BRSK2: variants seen among roughly 807,000 people sequenced by gnomAD.
The protein encoded by BRSK2 is BR serine/threonine kinase 2.
BRSK2 carries 19 observed loss-of-function variants against 83.3 expected under a neutral mutation model. The observed-to-expected ratio is 0.23, with a 90% CI of 0.16 to 0.33. The LOEUF (loss-of-function observed/expected upper bound fraction) is 0.33, where lower values mean the gene tolerates loss of function less well. BRSK2 is among the 10% of genes least tolerant of loss of function. The probability of loss-of-function intolerance (pLI) is 1.00; values close to 1 mark genes in which losing one functional copy is unlikely to be tolerated. For synonymous variants in BRSK2, 519 were observed against 435.4 expected, an observed-to-expected ratio of 1.19 and a Z score of -2.39; for missense variants, 798 against 1,042.3, an observed-to-expected ratio of 0.77 and a Z score of 3.23.
intron 1 of BRSK2, among the ~76,000 whole-genome samples, chr11:1,433,374 T>TG (rs1849847341): frequency 6.6e-6 from 1 of 152,240 alleles, no homozygotes; most frequent in Admixed American, 6.5e-5. Context: ...CTTCATCCTT[T>TG]GGGGTCTCCT....
At chr11:1,391,063 C>T (rs1845696124) in intron 1 of BRSK2, among the ~76,000 whole-genome samples, 1 of 152,208 alleles carries the variant, frequency 6.6e-6, no homozygotes, top group African/African-American at 2.4e-5. Flanking sequence ...GAGGGGGCTT[C>T]CCGGTGGGGC....
Position 1,461,251 on chromosome 11 carries a change from G to C in BRSK2, c.*528G>C. ...CCTGCCTGGTGGCCTTCTGGGGCCA[G>C]GACCCCTGGTGGGCAACGTAGCCAC... On this transcript the variant is annotated 3_prime_UTR_variant, in exon 20 of 20. Coordinates refer to ENST00000528841, the MANE Select transcript of BRSK2 (RefSeq NM_001256627.2). 1 of 571,774 alleles carries C rather than the reference G, an allele frequency of 1.7e-6. No individual in the cohort carries two copies. The highest frequency in any genetic ancestry group is 3.0e-6 in the Non-Finnish European group (1 of 330,458). The allele number at this position is 571,774 out of a possible 1,614,324, so 35.4% of individuals were successfully genotyped here.
Position 1,391,422 on chromosome 11 carries a change from G to A in BRSK2, c.91+1047G>A, listed in dbSNP as rs1450167832. ...CAGCCCCTCACGGCTGCACAGAGGA[G>A]GAGCTGGGAGGTGGCGTTGGGGAAA... On this transcript the variant is annotated intron_variant, in intron 1 of 19. Coordinates refer to ENST00000528841, the MANE Select transcript of BRSK2 (RefSeq NM_001256627.2). 2.6e-5 allele frequency among the ~76,000 whole-genome samples: 4 copies of A among 152,238 alleles called. No individual in the cohort carries two copies. In the East Asian group the frequency reaches 7.7e-4, roughly 29 times the overall value.
intron 1 of BRSK2, among the ~76,000 whole-genome samples, chr11:1,402,604 C>T (rs532138684): frequency 2.0e-5 from 3 of 151,318 alleles, no homozygotes; most frequent in Non-Finnish European, 3.0e-5. Flanking sequence ...TGAGGGGCAG[C>T]GTCTCCCTGG....
At chr11:1,437,678 G>T (rs865801162) in intron 2 of BRSK2, among the ~76,000 whole-genome samples, 1 of 152,238 alleles carries the variant, frequency 6.6e-6, no homozygotes, top group Non-Finnish European at 1.5e-5. Context: ...CACCTCATGG[G>T]GCCCACAGAG....
At chr11:1,402,012 C>T (rs1846511884) in intron 1 of BRSK2, among the ~76,000 whole-genome samples, 1 of 152,222 alleles carries the variant, frequency 6.6e-6, no homozygotes, top group African/African-American at 2.4e-5. Context: ...TCCCCCAGCC[C>T]TGGGCCCTGA....
Position 1,461,103 on chromosome 11 carries a change from C to A in BRSK2, c.*380C>A. ...GTGAGGCCCAGCCCAGCGCCCCGTC[C>A]ACCCCGCGGCAGCTCCTCGCCTCAG... On this transcript the variant is annotated 3_prime_UTR_variant, in exon 20 of 20. Coordinates refer to ENST00000528841, the MANE Select transcript of BRSK2 (RefSeq NM_001256627.2). 1.4e-6 allele frequency: 2 copies of A among 1,468,958 alleles called. No homozygotes were observed. The highest frequency in any genetic ancestry group is 1.2e-5 in the South Asian group (1 of 83,252). 91.0% of individuals were successfully genotyped at this position (1,468,958 alleles called of 1,614,324 possible).
chr11:1,423,584 G>T lies in BRSK2; in HGVS notation c.92-12456G>T, dbSNP rs978731492. ...GACCCGGTCACCGAACAGCAGAGAC[G>T]TGCTCTTTCACATTCTGGAGGCGGG... On this transcript the variant is annotated intron_variant, in intron 1 of 19. Coordinates refer to ENST00000528841, the MANE Select transcript of BRSK2 (RefSeq NM_001256627.2). The surrounding 1 kb of genome is among the most constrained non-coding windows in gnomAD (Gnocchi z 6.5). Among the ~76,000 whole-genome samples, 1 of 152,124 alleles carries T rather than the reference G, an allele frequency of 6.6e-6. No individual in the cohort carries two copies. Among genetic ancestry groups the T allele is most frequent in the Non-Finnish European group, 1.5e-5 (1 of 68,018 alleles).
At chr11:1,400,975 C>G (rs1191792640) in intron 1 of BRSK2, among the ~76,000 whole-genome samples, 1 of 152,252 alleles carries the variant, frequency 6.6e-6, no homozygotes, top group Non-Finnish European at 1.5e-5. Flanking sequence ...ATGCCCAGCT[C>G]CCAGCCTGGC....
At chr11:1,448,925 C>T (rs969174591) in intron 12 of BRSK2, among the ~76,000 whole-genome samples, 3 of 152,220 alleles carry the variant, frequency 2.0e-5, no homozygotes, top group South Asian at 2.1e-4. Flanking sequence ...GGCCGGCTGG[C>T]GGTGGGCAGG....
intron 1 of BRSK2, among the ~76,000 whole-genome samples, chr11:1,400,547 A>G (rs1165967854): frequency 1.3e-5 from 2 of 152,086 alleles, no homozygotes; most frequent in Non-Finnish European, 1.5e-5. Flanking sequence ...CTTCCTGGGC[A>G]CCGAACACTG....
At chr11:1,446,039 T>G in intron 12 of BRSK2, 132 bp downstream of exon 12, 3 of 729,920 alleles carry the variant, frequency 4.1e-6, no homozygotes, top group Non-Finnish European at 3.8e-6. Context: ...TGGGCTAAAC[T>G]GGGCTTAGCT....
In BRSK2 at chr11:1,438,848, T is replaced by G. The variant is rs929669036; in HGVS notation, c.272+457T>G. Among the ~76,000 whole-genome samples the G allele has an allele frequency of 2.6e-5, 4 of 152,172 alleles. No homozygotes were observed. Among genetic ancestry groups the G allele is most frequent in the Admixed American group, 2.6e-4 (4 of 15,280 alleles). On this transcript the variant is annotated intron_variant, in intron 3 of 19. Coordinates refer to ENST00000528841, the MANE Select transcript of BRSK2 (RefSeq NM_001256627.2). The surrounding 1 kb of genome is among the most constrained non-coding windows in gnomAD (Gnocchi z 6.4). ...GATCCCGCCCTGGCTGGACCGTGGC[T>G]GAGTGTGGCTGAAAGTGTCACCTCC...
Position 1,460,800 on chromosome 11 carries a change from AC to A in BRSK2, c.*80del. On this transcript the variant is annotated 3_prime_UTR_variant, in exon 20 of 20. Transcript: ENST00000528841. ...CCGCCGCCCGCCCTGCCCCGAGTGG[AC>A]CCGCGGCCGCGCCGCCCGTCCGTCC... The A allele has an allele frequency of 7.2e-7, 1 of 1,396,216 alleles. No homozygotes were observed. The highest frequency in any genetic ancestry group is 1.6e-5 in the African/African-American group (1 of 64,374). 86.5% of individuals were successfully genotyped at this position (1,396,216 alleles called of 1,614,324 possible). A position where few individuals can be genotyped will look rare whatever the true frequency, so the allele number is the denominator to read the frequency against.
chr11:1,393,493 G>A lies in BRSK2; in HGVS notation c.91+3118G>A, dbSNP rs182527773. 1.2e-3 allele frequency among the ~76,000 whole-genome samples: 189 copies of A among 152,292 alleles called. 1 individual carries two copies. Among genetic ancestry groups the A allele is most frequent in the African/African-American group, 4.1e-3 (172 of 41,560 alleles). ...TAATGGCCGCGATAGGGCTCCCTGC[G>A]AGGGAACGAAGGAGCTAGGATGAGG... On this transcript the variant is annotated intron_variant, in intron 1 of 19. Transcript: ENST00000528841.
chr11:1,460,406 C>G, intron 19 of BRSK2, 94 bp from the exon 20 acceptor site: 217 of 904,512 alleles, frequency 2.4e-4, no homozygotes, highest in Non-Finnish European at 2.9e-4. Context: ...TGTTTGTTCT[C>G]TTTCTCTCTC....
At chr11:1,395,582 C>T (rs1483829249) in intron 1 of BRSK2, among the ~76,000 whole-genome samples, 2 of 152,190 alleles carry the variant, frequency 1.3e-5, no homozygotes, top group African/African-American at 2.4e-5. Context: ...GGCGGGAGCC[C>T]TAGGCCCTTG....
Position 1,428,051 on chromosome 11 carries a change from C to A in BRSK2, c.92-7989C>A, listed in dbSNP as rs114175229. 8.1e-3 allele frequency among the ~76,000 whole-genome samples: 1,237 copies of A among 152,220 alleles called. 12 individuals carry two copies. Among genetic ancestry groups the A allele is most frequent in the African/African-American group, 0.028 (1,179 of 41,510 alleles). ...GGAGTGTGTAGGAGTCTTCAGAGTA[C>A]AGTAATGGGGAAAGGACTTTCTAGG... On this transcript the variant is annotated intron_variant, in intron 1 of 19. Coordinates refer to ENST00000528841, the MANE Select transcript of BRSK2 (RefSeq NM_001256627.2).
At chr11:1,456,249 G>A (rs952126647) in intron 16 of BRSK2, 99 bp from the exon 17 acceptor site, 1 of 1,258,240 alleles carries the variant, frequency 7.9e-7, no homozygotes, top group Non-Finnish European at 1.1e-6. Flanking sequence ...TGCTCACAAT[G>A]TGTGCACGGT....
Sources: gnomAD v4.1 joint callset for allele counts (sites outside exome capture counted in the v4.1 genomes callset) on GRCh38, gnomAD v4.1.1 for gene constraint, Gnocchi (gnomAD v3.1) non-coding constraint, MANE v1.5 for transcripts, NCBI Gene and HGNC (gene_info 2026-07-23, HGNC 2026-07-21) for gene names.